SELENOV: variants seen among roughly 807,000 people sequenced by gnomAD.
SELENOV encodes selenoprotein V.
A neutral mutation model predicts 21.6 loss-of-function variants in SELENOV; 25 were observed. That is an observed-to-expected ratio of 1.16 (90% confidence interval 0.84 to 1.62). SELENOV has a LOEUF of 1.62. SELENOV is among the 40% of genes most tolerant of loss of function. SELENOV has a pLI of 0.00. For synonymous variants in SELENOV, 227 were observed against 216.9 expected (o/e 1.05, Z -0.41); for missense variants, 472 against 459.0 (o/e 1.03, Z -0.26).
chr19:39,516,929 C>T (rs1305988187), intron 1 of SELENOV, among the ~76,000 whole-genome samples: 1 of 151,994 alleles, frequency 6.6e-6, no homozygotes, highest in Non-Finnish European at 1.5e-5. Flanking sequence ...GATCTTCTGA[C>T]CTCGTGATCC....
In SELENOV at chr19:39,515,234, C is replaced by G; in HGVS notation, c.22C>G (p.Pro8Ala). The change falls in exon 1 of 6, where the codon CCA (proline) becomes GCA (alanine). Residue 8 changes from proline to alanine, a missense_variant. By Grantham distance (27) the Pro-to-Ala change is conservative. Transcript: ENST00000335426. This position sits in a 1 kb window ranked among gnomAD's most constrained non-coding sequence, Gnocchi z 5.1. ...CCCCATGAATAACCAGGCGCGGACC[C>G]CAGCCCCCTCCTCGGCGCGGACTTC... The G allele has an allele frequency of 6.5e-7, 1 of 1,549,962 alleles. No homozygotes were observed. The highest frequency in any genetic ancestry group is 8.7e-7 in the Non-Finnish European group (1 of 1,146,632).
At position 39,515,559 on chromosome 19, in the gene SELENOV, T is replaced by G; in HGVS notation, c.347T>G (p.Leu116Arg). The G allele has an allele frequency of 6.5e-7, 1 of 1,549,730 alleles. No individual in the cohort carries two copies. Among genetic ancestry groups the G allele is most frequent in the Non-Finnish European group, 8.7e-7 (1 of 1,146,758 alleles). The change falls in exon 1 of 6, where the codon CTG becomes CGG. Residue 116 changes from leucine to arginine, a missense_variant. Coordinates refer to ENST00000335426, the Ensembl canonical transcript of SELENOV. The surrounding 1 kb of genome is among the most constrained non-coding windows in gnomAD (Gnocchi z 5.1). The stretch of plus-strand genomic sequence containing the variant: ...CCGGTCCCGACTCCGGCTCGGACCC[T>G]GACTCCTCCAGTCCGGGTCCCAGCC...
chr19:39,517,999 G>C (rs1404050822), intron 1 of SELENOV, among the ~76,000 whole-genome samples: 16 of 64,510 alleles, frequency 2.5e-4, no homozygotes, highest in Non-Finnish European at 3.4e-4. Flanking sequence ...AAAGCCCAGC[G>C]CGGTGGCTCA....
At chr19:39,518,294 C>CAAAAAAAAAAAAAAAAAA (rs56055153) in intron 1 of SELENOV, among the ~76,000 whole-genome samples, 43 of 107,124 alleles carry the variant, frequency 4.0e-4, no homozygotes, top group South Asian at 6.3e-4. Context: ...AACAAAAAAA[C>CAAAAAAAAAAAAAAAAAA]AAAAAAAAAA....
rs1290993454 is a variant in SELENOV at position 39,518,591 on chromosome 19, C to T, written c.810-17C>T. 6.3e-7 allele frequency: 1 copy of T among 1,593,884 alleles called. No individual in the cohort carries two copies. Among genetic ancestry groups the T allele is most frequent in the East Asian group, 2.3e-5 (1 of 44,418 alleles). ...TGGTCTCTCTCTTAACTTTCTCCTC[C>T]TGCTCTTGGCCTCCAGTGGCCTCTG... is the stretch of plus-strand genomic sequence containing the variant. On this transcript the variant is annotated splice_polypyrimidine_tract_variant and intron_variant, in intron 1 of 5. Transcript: ENST00000335426.
At chr19:39,518,821 G>A (rs73930738) in intron 3 of SELENOV, 28 bp downstream of exon 3, 20 of 1,611,254 alleles carry the variant, frequency 1.2e-5, no homozygotes, top group Admixed American at 3.3e-5. Flanking sequence ...CTGGGGGAGA[G>A]GGGGGTGGTC....
chr19:39,516,855 C>T (rs2079699547), intron 1 of SELENOV, among the ~76,000 whole-genome samples: 2 of 148,542 alleles, frequency 1.3e-5, no homozygotes, highest in South Asian at 4.4e-4. Flanking sequence ...GCCACCACGC[C>T]CGGCTAATTT....
chr19:39,518,581 C>G (rs572312358), intron 1 of SELENOV, 27 bp from the exon 2 acceptor site: 8 of 1,587,516 alleles, frequency 5.0e-6, no homozygotes, highest in Non-Finnish European at 6.9e-6. Context: ...TCTCTCTTAA[C>G]TTTCTCCTCC....
intron 5 of SELENOV, 148 bp downstream of exon 5, chr19:39,519,318 A>G: frequency 1.6e-6 from 1 of 644,120 alleles, no homozygotes; most frequent in East Asian, 2.8e-5. Flanking sequence ...TCTGAGCCTC[A>G]GTTGCCTCAT....
chr19:39,518,294 C>CAAAAAAAAAAAAA (rs56055153), intron 1 of SELENOV, among the ~76,000 whole-genome samples: 27 of 107,164 alleles, frequency 2.5e-4, no homozygotes, highest in African/African-American at 8.4e-4. Flanking sequence ...AACAAAAAAA[C>CAAAAAAAAAAAAA]AAAAAAAAAA....
At chr19:39,518,294 C>CAAAAAAAAAAAAAAAAA (rs56055153) in intron 1 of SELENOV, among the ~76,000 whole-genome samples, 9 of 107,172 alleles carry the variant, frequency 8.4e-5, no homozygotes, top group African/African-American at 2.0e-4. Flanking sequence ...AACAAAAAAA[C>CAAAAAAAAAAAAAAAAA]AAAAAAAAAA....
chr19:39,518,069 A>G (rs2079706994), intron 1 of SELENOV, among the ~76,000 whole-genome samples: 1 of 150,530 alleles, frequency 6.6e-6, no homozygotes, highest in African/African-American at 2.4e-5. Context: ...TCAGGAAATC[A>G]AAACCATCCT....
Position 39,515,768 on chromosome 19 carries a change from G to T in SELENOV, c.556G>T (p.Gly186Trp). ...CATCCCGTCGGTCTCCAGCGAGGCC[G>T]GGCCCGCCCCGGGGCCCCTTCCCAC... Residue 186 changes from glycine to tryptophan, a missense_variant, in exon 1 of 6, where the codon GGG (glycine) becomes TGG (tryptophan). Coordinates refer to ENST00000335426, the Ensembl canonical transcript of SELENOV. This position sits in a 1 kb window ranked among gnomAD's most constrained non-coding sequence, Gnocchi z 5.1. 6.5e-7 allele frequency: 1 copy of T among 1,549,176 alleles called. No individual in the cohort carries two copies. Among genetic ancestry groups the T allele is most frequent in the Non-Finnish European group, 8.7e-7 (1 of 1,146,204 alleles).
chr19:39,518,553 G>T lies in SELENOV; in HGVS notation c.810-55G>T, dbSNP rs754531894. On this transcript the variant is annotated intron_variant, in intron 1 of 5. Transcript: ENST00000335426. ...GCCCTGAGCTGGGGAAGATACTGAT[G>T]CGGTGTCTTCCCTGGTCTCTCTCTT... The T allele has an allele frequency of 3.9e-6, 6 of 1,533,184 alleles. No homozygotes were observed. In the South Asian group the frequency reaches 7.1e-5, roughly 18 times the overall value. The allele number at this position is 1,533,184 out of a possible 1,614,324, so 95.0% of individuals were successfully genotyped here. A position where few individuals can be genotyped will look rare whatever the true frequency, so the allele number is the denominator to read the frequency against.
chr19:39,518,001 G>A (rs1363703711), intron 1 of SELENOV, among the ~76,000 whole-genome samples: 1 of 86,020 alleles, frequency 1.2e-5, no homozygotes, highest in Admixed American at 1.2e-4. Flanking sequence ...AGCCCAGCGC[G>A]GTGGCTCACG....
chr19:39,518,461 T>G, intron 1 of SELENOV, 147 bp from the exon 2 acceptor site: 7 of 791,982 alleles, frequency 8.8e-6, no homozygotes, highest in Non-Finnish European at 1.5e-5. Flanking sequence ...TTCCCCTGCG[T>G]GAGATGGCAC....
chr19:39,516,932 C>T (rs1017630704), intron 1 of SELENOV, among the ~76,000 whole-genome samples: 11 of 152,096 alleles, frequency 7.2e-5, no homozygotes, highest in East Asian at 1.9e-4. Context: ...CTTCTGACCT[C>T]GTGATCCACC....
intron 1 of SELENOV, among the ~76,000 whole-genome samples, chr19:39,517,769 A>G (rs2079704462): frequency 2.0e-5 from 3 of 151,820 alleles, no homozygotes; most frequent in African/African-American, 7.3e-5. Flanking sequence ...AGCCTGGGCA[A>G]CACGGCAACA....
At chr19:39,516,110 G>A (rs2079696045) in intron 1 of SELENOV, 89 bp downstream of exon 1, 1 of 1,200,070 alleles carries the variant, frequency 8.3e-7, no homozygotes, top group East Asian at 2.5e-5. Flanking sequence ...GTCAGGGTTG[G>A]GGTAGGGCGA....
Sources: gnomAD v4.1 joint callset for allele counts (sites outside exome capture counted in the v4.1 genomes callset) on GRCh38, gnomAD v4.1.1 for gene constraint, Gnocchi (gnomAD v3.1) non-coding constraint, MANE v1.5 for transcripts, NCBI Gene and HGNC (gene_info 2026-07-23, HGNC 2026-07-21) for gene names.